The following NOTCH2NLC variants were observed in gnomAD, a reference collection of about 807,000 sequenced individuals.
The protein encoded by NOTCH2NLC is notch 2 N-terminal like C, also known as notch homolog 2 N-terminal-like protein C.
Under a neutral mutation model 17.7 loss-of-function variants are expected in NOTCH2NLC, and 4 were observed. That is an observed-to-expected ratio of 0.23 (90% confidence interval 0.11 to 0.52). The LOEUF is 0.52. Among genes scored for constraint, NOTCH2NLC ranks in the 20% least tolerant of loss-of-function variants. The probability of loss-of-function intolerance (pLI) is 0.96; values close to 1 mark genes in which losing one functional copy is unlikely to be tolerated. For synonymous variants in NOTCH2NLC, 18 were observed against 86.0 expected (o/e 0.21, Z 4.38); for missense variants, 57 against 207.2 (o/e 0.28, Z 4.45).
chr1:149,422,415 A>G (rs2084383857), intron 1 of NOTCH2NLC, among the ~76,000 whole-genome samples: 1 of 150,032 alleles, frequency 6.7e-6, no homozygotes. Context: ...ATTTGCCTAG[A>G]AGTGGGAGAG....
chr1:149,463,091 C>T (rs1297374514), intron 3 of NOTCH2NLC, among the ~76,000 whole-genome samples: 2 of 150,474 alleles, frequency 1.3e-5, no homozygotes, highest in East Asian at 2.0e-4. Flanking sequence ...GCCTCGGCCT[C>T]CCAAAGTGCT....
At chr1:149,398,584 C>G (rs1415297314) in intron 1 of NOTCH2NLC, among the ~76,000 whole-genome samples, 1 of 150,920 alleles carries the variant, frequency 6.6e-6, no homozygotes, top group Non-Finnish European at 1.5e-5. Flanking sequence ...CCCTGTTCTA[C>G]TAGCTCCCCA....
intron 3 of NOTCH2NLC, among the ~76,000 whole-genome samples, chr1:149,462,147 A>AATAATT (rs2084654131): frequency 6.7e-6 from 1 of 149,560 alleles, no homozygotes; most frequent in Non-Finnish European, 1.5e-5. Flanking sequence ...TAATAATAAT[A>AATAATT]ATTCAAGGAG....
intron 2 of NOTCH2NLC, among the ~76,000 whole-genome samples, chr1:149,432,582 G>A (rs2084459255): frequency 6.6e-6 from 1 of 150,984 alleles, no homozygotes; most frequent in Non-Finnish European, 1.5e-5. Context: ...TCTTTTTGTG[G>A]CATTTGGTGC....
chr1:149,449,135 C>T lies in NOTCH2NLC; in HGVS notation c.210-6183C>T, dbSNP rs1213539371. On this transcript the variant is annotated intron_variant, in intron 2 of 4. Coordinates refer to ENST00000650865, the MANE Select transcript of NOTCH2NLC (RefSeq NM_001364013.2). ...TGACCTGGTGATCTGCCTGCCTCGG[C>T]CTCCCAAAGTGCTGAGATTACTGGT... 8.0e-5 allele frequency among the ~76,000 whole-genome samples: 12 copies of T among 150,612 alleles called. 1 individual carries two copies. Among genetic ancestry groups the T allele is most frequent in the African/African-American group, 2.9e-4 (12 of 41,092 alleles).
At position 149,446,011 on chromosome 1, in the gene NOTCH2NLC, A is replaced by C. The variant is rs1400730042; in HGVS notation, c.210-9307A>C. 2.2e-3 allele frequency among the ~76,000 whole-genome samples: 259 copies of C among 117,814 alleles called. 2 individuals are homozygous for C. The highest frequency in any genetic ancestry group is 0.012 in the Middle Eastern group (3 of 248). The allele number at this position is 117,814 out of a possible 152,430, so 77.3% of individuals were successfully genotyped here. A position where few individuals can be genotyped will look rare whatever the true frequency, so the allele number is the denominator to read the frequency against. ...AACATTCGGTGGAGAAAACAAGGGG[A>C]GAGAACACTGGCTTTTATTTGGAAA... On this transcript the variant is annotated intron_variant, in intron 2 of 4. Transcript: ENST00000650865.
intron 2 of NOTCH2NLC, among the ~76,000 whole-genome samples, chr1:149,446,575 A>G (rs1277246429): frequency 1.3e-5 from 2 of 150,582 alleles, no homozygotes; most frequent in African/African-American, 2.4e-5. Flanking sequence ...CGCTCTAGCA[A>G]TCTGCTCACC....
chr1:149,427,055 A>T lies in NOTCH2NLC; in HGVS notation c.136-3887A>T, dbSNP rs1389155820. Among the ~76,000 whole-genome samples, 11 of 151,266 alleles carry T rather than the reference A, an allele frequency of 7.3e-5. No individual in the cohort carries two copies. The South Asian group carries it at 8.4e-4, about 11-fold the overall frequency. On this transcript the variant is annotated intron_variant, in intron 1 of 4. Transcript: ENST00000650865. The stretch of plus-strand genomic sequence containing the variant: ...TTATAGTTGTATACATTTATAGGGT[A>T]CAAAGTGATGTTATAATTTGCTAAT...
rs1278776374 is a variant in NOTCH2NLC at position 149,461,572 on chromosome 1, T to G, written c.470-1919T>G. Among the ~76,000 whole-genome samples, 199 of 151,370 alleles carry G rather than the reference T, an allele frequency of 1.3e-3. 4 individuals carry two copies. Among genetic ancestry groups the G allele is most frequent in the Middle Eastern group, 3.4e-3 (1 of 290 alleles). On this transcript the variant is annotated intron_variant, in intron 3 of 4. Transcript: ENST00000650865. ...TATGAGGTCAGAGATTTAGATACTT[T>G]CCTAGACAGTCAACTGGAGTATTAA... is the stretch of plus-strand genomic sequence containing the variant.
intron 3 of NOTCH2NLC, among the ~76,000 whole-genome samples, chr1:149,460,853 CCCTTTCTTTCTT>C (rs2084641077): frequency 4.7e-5 from 5 of 107,514 alleles, no homozygotes; most frequent in African/African-American, 1.0e-4. Flanking sequence ...CTTTCTTTCT[CCCTTTCTTTCTT>C]TCTTTCTTTC....
intron 2 of NOTCH2NLC, among the ~76,000 whole-genome samples, chr1:149,449,835 T>A (rs1210753579): frequency 1.3e-5 from 2 of 151,278 alleles, no homozygotes; most frequent in Admixed American, 1.3e-4. Flanking sequence ...ATCTACTTTT[T>A]ATCTCTACGG....
chr1:149,463,145 A>G (rs1243544932), intron 3 of NOTCH2NLC, among the ~76,000 whole-genome samples: 1 of 150,828 alleles, frequency 6.6e-6, no homozygotes, highest in Non-Finnish European at 1.5e-5. Context: ...GGAAGTTGAT[A>G]TTCAAACAGG....
chr1:149,423,656 T>G (rs2084391832), intron 1 of NOTCH2NLC, among the ~76,000 whole-genome samples: 1 of 149,024 alleles, frequency 6.7e-6, no homozygotes, highest in Non-Finnish European at 1.5e-5. Context: ...TATTGCTACT[T>G]GAAATTTGCA....
chr1:149,393,558 A>T (rs1473538098), intron 1 of NOTCH2NLC, among the ~76,000 whole-genome samples: 1 of 148,506 alleles, frequency 6.7e-6, no homozygotes, highest in Non-Finnish European at 1.5e-5. Context: ...TTGTCTAAAC[A>T]GCTATCCAGG....
intron 1 of NOTCH2NLC, among the ~76,000 whole-genome samples, chr1:149,423,305 C>T (rs1246606207): frequency 3.8e-4 from 58 of 150,848 alleles, no homozygotes; most frequent in South Asian, 4.2e-4. Context: ...GATGTTTCTC[C>T]GCTTCGTTTT....
intron 2 of NOTCH2NLC, among the ~76,000 whole-genome samples, chr1:149,449,870 A>G (rs1322353410): frequency 6.6e-6 from 1 of 150,774 alleles, no homozygotes; most frequent in African/African-American, 2.4e-5. Flanking sequence ...GACATTTCAT[A>G]TAAATGGAAT....
chr1:149,437,641 T>G (rs2084489902), intron 2 of NOTCH2NLC, among the ~76,000 whole-genome samples: 1 of 136,900 alleles, frequency 7.3e-6, no homozygotes, highest in Non-Finnish European at 1.6e-5. Context: ...TTTTTTGTAT[T>G]TTTAGTAGAG....
intron 2 of NOTCH2NLC, among the ~76,000 whole-genome samples, chr1:149,439,641 GCA>G (rs2101495640): frequency 8.3e-6 from 1 of 119,836 alleles, no homozygotes; most frequent in South Asian, 3.0e-4. Flanking sequence ...ATGTGTGTAT[GCA>G]CACATGTGTG....
At chr1:149,427,100 AG>A (rs1222931806) in intron 1 of NOTCH2NLC, among the ~76,000 whole-genome samples, 2 of 151,468 alleles carry the variant, frequency 1.3e-5, no homozygotes, top group Admixed American at 6.6e-5. Flanking sequence ...AACAATTAAA[AG>A]GTAGTTAGTA....
Sources: allele counts gnomAD v4.1 joint callset (sites outside exome capture counted in the v4.1 genomes callset), GRCh38; gene constraint gnomAD v4.1.1; transcripts MANE v1.5; gene names NCBI Gene and HGNC (gene_info 2026-07-23, HGNC 2026-07-21).